Variants in MEGF11 observed in about 807,000 individuals in gnomAD.
MEGF11 encodes multiple epidermal growth factor-like domains protein 11.
A neutral mutation model predicts 146.6 loss-of-function variants in MEGF11; 126 were observed. That is an observed-to-expected ratio of 0.86 (90% CI 0.74 to 1.00). The LOEUF (loss-of-function observed/expected upper bound fraction) is 1.00. Among genes scored for constraint, MEGF11 ranks in the 50% least tolerant of loss-of-function variants. The probability of loss-of-function intolerance (pLI) is 0.00; values close to 1 mark genes in which losing one functional copy is unlikely to be tolerated. For missense variants in MEGF11, 1,509 were observed against 1,521.2 expected (o/e 0.99, Z 0.13); for synonymous variants, 532 against 583.4 (o/e 0.91, Z 1.27).
chr15:66,061,320 C>T (rs373779451), intron 5 of MEGF11, among the ~76,000 whole-genome samples: 1 of 152,218 alleles, frequency 6.6e-6, no homozygotes, highest in East Asian at 1.9e-4. Context: ...CCGTCCCAGG[C>T]ATTCTGGCCA....
At chr15:66,116,462 T>A (rs1432394986) in intron 4 of MEGF11, among the ~76,000 whole-genome samples, 2 of 152,168 alleles carry the variant, frequency 1.3e-5, no homozygotes, top group East Asian at 3.8e-4. Flanking sequence ...TCCCCTCCTT[T>A]GACTAGGCTG....
chr15:66,233,951 C>CTTTT (rs57240560), intron 1 of MEGF11, among the ~76,000 whole-genome samples: 2 of 119,928 alleles, frequency 1.7e-5, no homozygotes, highest in East Asian at 2.4e-4. Context: ...TTTTCTTTTT[C>CTTTT]TTTTTTTTTT....
chr15:65,995,001 G>A (rs1220271513), intron 5 of MEGF11, among the ~76,000 whole-genome samples: 3 of 152,214 alleles, frequency 2.0e-5, no homozygotes, highest in Admixed American at 6.5e-5. Context: ...GCTTGCTAGA[G>A]GTCAAAGTGC....
rs1361690436 is a variant in MEGF11, at chr15:66,253,640, G to A, written c.-44C>T. The A allele has an allele frequency of 6.6e-6, 1 of 151,776 alleles. No homozygotes were observed. The highest frequency in any genetic ancestry group is 6.5e-5 in the Admixed American group (1 of 15,268). 9.4% of individuals were successfully genotyped at this position (151,776 alleles called of 1,614,324 possible). A position where few individuals can be genotyped will look rare whatever the true frequency, so the allele number is the denominator to read the frequency against. ...GGCCGGCCCAGGGATCGGCCGGCCA[G>A]TCGCGCGGTCCTGTCCTCCGGAGCC... is the stretch of plus-strand genomic sequence containing the variant. On this transcript the variant is annotated 5_prime_UTR_variant, in exon 1 of 26. Coordinates refer to ENST00000395614, the MANE Select transcript of MEGF11 (RefSeq NM_001385028.1).
intron 3 of MEGF11, among the ~76,000 whole-genome samples, chr15:66,121,598 T>C (rs532305540): frequency 3.2e-4 from 49 of 152,182 alleles, no homozygotes; most frequent in Non-Finnish European, 4.7e-4. Flanking sequence ...AAAATTCAGA[T>C]AGAAAACACA....
intron 10 of MEGF11, among the ~76,000 whole-genome samples, chr15:65,944,397 G>A (rs1227279873): frequency 6.6e-6 from 1 of 152,206 alleles, no homozygotes; most frequent in Admixed American, 6.5e-5. Context: ...GAGAGCAAGG[G>A]TATTCGAGGG....
intron 5 of MEGF11, among the ~76,000 whole-genome samples, chr15:66,015,415 A>T (rs913499538): frequency 2.0e-5 from 3 of 152,220 alleles, no homozygotes; most frequent in African/African-American, 7.2e-5. Flanking sequence ...GTTGAATGTT[A>T]ATCATTCATT....
At chr15:66,231,140 C>A (rs1230982945) in intron 1 of MEGF11, among the ~76,000 whole-genome samples, 1 of 152,180 alleles carries the variant, frequency 6.6e-6, no homozygotes, top group Non-Finnish European at 1.5e-5. Flanking sequence ...GAACATTCTG[C>A]AGAACTGGTG....
At chr15:66,099,176 C>G (rs1229235004) in intron 4 of MEGF11, among the ~76,000 whole-genome samples, 1 of 151,206 alleles carries the variant, frequency 6.6e-6, no homozygotes, top group Admixed American at 6.6e-5. Context: ...CCAAGAGCCA[C>G]TCCCCATCCC....
chr15:66,072,451 A>G (rs1361484520), intron 5 of MEGF11, among the ~76,000 whole-genome samples: 1 of 152,086 alleles, frequency 6.6e-6, no homozygotes, highest in African/African-American at 2.4e-5. Flanking sequence ...TACCGTGTTT[A>G]TTTATATTCT....
At chr15:65,939,782 C>A (rs75015063) in intron 10 of MEGF11, among the ~76,000 whole-genome samples, 11 of 152,040 alleles carry the variant, frequency 7.2e-5, no homozygotes, top group African/African-American at 2.7e-4. Context: ...CGTGAGCCAC[C>A]GTGCCCAGCC....
At chr15:66,013,194 G>A (rs2033579) in intron 5 of MEGF11, among the ~76,000 whole-genome samples, 27,589 of 152,056 alleles carry the variant, frequency 0.18, 2,984 homozygotes, top group East Asian at 0.58. Flanking sequence ...AGAGGGCAGC[G>A]GCAGAGTTCA....
chr15:65,980,717 T>C (rs1596947930), intron 7 of MEGF11, 61 bp downstream of exon 7: 2 of 1,511,992 alleles, frequency 1.3e-6, no homozygotes, highest in Admixed American at 2.3e-5. Flanking sequence ...TTTTAAGGTA[T>C]GTGTGAGTGA....
intron 1 of MEGF11, among the ~76,000 whole-genome samples, chr15:66,196,368 A>G (rs774138513): frequency 1.3e-5 from 2 of 151,986 alleles, no homozygotes; most frequent in African/African-American, 2.4e-5. Context: ...GCTACTCGAG[A>G]GGCTGAGGCA....
At chr15:66,247,590 G>A (rs533193265) in intron 1 of MEGF11, among the ~76,000 whole-genome samples, 6 of 152,232 alleles carry the variant, frequency 3.9e-5, no homozygotes, top group Admixed American at 2.6e-4. Context: ...GTTGTTCTAG[G>A]CCAAGCCAGG....
intron 5 of MEGF11, among the ~76,000 whole-genome samples, chr15:66,020,973 C>G (rs1199953793): frequency 1.9e-5 from 2 of 105,680 alleles, no homozygotes; most frequent in African/African-American, 7.4e-5. Flanking sequence ...GCCTGGGCGA[C>G]AGAGCGAAAC....
At chr15:66,075,984 C>T (rs570060918) in intron 5 of MEGF11, among the ~76,000 whole-genome samples, 1 of 148,814 alleles carries the variant, frequency 6.7e-6, no homozygotes, top group East Asian at 2.0e-4. Flanking sequence ...TCTTATTCAT[C>T]TCCATATGCC....
chr15:66,079,818 C>T (rs1422312493), intron 5 of MEGF11, among the ~76,000 whole-genome samples: 1 of 152,116 alleles, frequency 6.6e-6, no homozygotes, highest in Non-Finnish European at 1.5e-5. Flanking sequence ...TGGGAAGGAC[C>T]AGCTGCCTTT....
rs778628456 is a variant in MEGF11 at position 65,898,756 on chromosome 15, C to A, written c.3234G>T (p.Ser1078=). Residue 1078 remains serine, a synonymous_variant, in exon 25 of 26, where the codon TCG becomes TCT. Coordinates refer to ENST00000395614, the MANE Select transcript of MEGF11 (RefSeq NM_001385028.1). ...GSPYTDVPSL[S]TSNKNIYEVE... ...CTTCATATATATTTTTATTAGATGT[C>A]GACAAGGATGGCACATCTGTGTACG... 1.2e-6 allele frequency: 2 copies of A among 1,613,696 alleles called. No individual in the cohort carries two copies. The highest frequency in any genetic ancestry group is 2.7e-5 in the African/African-American group (2 of 74,894).
Sources: gnomAD v4.1 joint callset for allele counts (sites outside exome capture counted in the v4.1 genomes callset) on GRCh38, gnomAD v4.1.1 for gene constraint, MANE v1.5 for transcripts, NCBI Gene and HGNC (gene_info 2026-07-23, HGNC 2026-07-21) for gene names.